Variants in REEP5 observed in about 807,000 individuals in gnomAD.
REEP5 encodes receptor accessory protein 5.
REEP5 carries 24 observed loss-of-function variants against 22.4 expected under a neutral mutation model. That is an observed-to-expected ratio of 1.07 (90% CI 0.78 to 1.51). REEP5 has a LOEUF of 1.51. REEP5 is among the 40% of genes most tolerant of loss of function. The pLI, the probability that REEP5 is intolerant of heterozygous loss-of-function variation, is 0.00. For missense variants in REEP5, 252 were observed against 233.0 expected, an observed-to-expected ratio of 1.08 and a Z score of -0.53; for synonymous variants, 103 against 88.6, an observed-to-expected ratio of 1.16 and a Z score of -0.92.
chr5:112,882,985 A>G (rs967379733), intron 4 of REEP5, among the ~76,000 whole-genome samples: 5 of 152,204 alleles, frequency 3.3e-5, no homozygotes, highest in African/African-American at 7.2e-5. Flanking sequence ...CAGCTCTTCG[A>G]CCAATCCCTC....
intron 2 of REEP5, among the ~76,000 whole-genome samples, chr5:112,916,328 T>C (rs1769232172): frequency 6.6e-6 from 1 of 152,186 alleles, no homozygotes; most frequent in Non-Finnish European, 1.5e-5. Flanking sequence ...CCAAACATCT[T>C]CCCTTGAGAT....
chr5:112,895,753 G>A (rs461866), intron 3 of REEP5: 62,729 of 151,972 alleles, frequency 0.41, 14,191 homozygotes, highest in African/African-American at 0.61. Context: ...TTCTTAATCT[G>A]TGTAACTATT....
intron 4 of REEP5, among the ~76,000 whole-genome samples, chr5:112,881,408 T>C (rs1768071189): frequency 6.6e-6 from 1 of 152,068 alleles, no homozygotes; most frequent in Admixed American, 6.6e-5. Flanking sequence ...CAAAAACCTT[T>C]CTCCAATTTC....
intron 3 of REEP5, chr5:112,895,982 C>T (rs1422597706): frequency 6.6e-6 from 1 of 152,314 alleles, no homozygotes; most frequent in African/African-American, 2.4e-5. Flanking sequence ...TACAACAGGC[C>T]ATTCTATTCC....
intron 1 of REEP5, 147 bp downstream of exon 1, chr5:112,921,926 A>C: frequency 9.8e-7 from 1 of 1,018,392 alleles, no homozygotes; most frequent in Non-Finnish European, 1.3e-6. Context: ...GCTTTCCGGG[A>C]GGCCAGCCTG....
At chr5:112,914,844 C>G (rs747759042) in intron 2 of REEP5, among the ~76,000 whole-genome samples, 1 of 152,142 alleles carries the variant, frequency 6.6e-6, no homozygotes, top group African/African-American at 2.4e-5. Flanking sequence ...AAGCTCCACT[C>G]CCTGGAATCA....
At chr5:112,912,413 G>A (rs893412506) in intron 2 of REEP5, among the ~76,000 whole-genome samples, 1 of 151,284 alleles carries the variant, frequency 6.6e-6, no homozygotes, top group African/African-American at 2.4e-5. Flanking sequence ...TGACAGTGTG[G>A]AAAAAAAAGC....
At chr5:112,906,783 G>A (rs1768964131) in intron 2 of REEP5, among the ~76,000 whole-genome samples, 1 of 152,160 alleles carries the variant, frequency 6.6e-6, no homozygotes, top group African/African-American at 2.4e-5. Flanking sequence ...TGATCATAAT[G>A]CAGAACTGTG....
intron 3 of REEP5, among the ~76,000 whole-genome samples, chr5:112,899,545 A>C (rs1768796336): frequency 6.6e-6 from 1 of 152,224 alleles, no homozygotes; most frequent in African/African-American, 2.4e-5. Context: ...CTATTAATTG[A>C]ATGAACCATT....
rs1360217872 is a variant in REEP5 at position 112,876,669 on chromosome 5, C to T, written c.*2117G>A. The T allele has an allele frequency of 2.0e-5, 3 of 152,142 alleles. No homozygotes were observed. The highest frequency in any genetic ancestry group is 4.4e-5 in the Non-Finnish European group (3 of 68,018). The allele number at this position is 152,142 out of a possible 1,614,324, so 9.4% of individuals were successfully genotyped here. A position where few individuals can be genotyped will look rare whatever the true frequency, so the allele number is the denominator to read the frequency against. On this transcript the variant is annotated 3_prime_UTR_variant, in exon 5 of 5. Coordinates refer to ENST00000379638, the MANE Select transcript of REEP5 (RefSeq NM_005669.5). ...ATTCAAATAAACGCTTGTTTTCTAG[C>T]CAGGCACAGGCTCAATTAGTTTTTC...
intron 2 of REEP5, among the ~76,000 whole-genome samples, chr5:112,916,608 T>C (rs1769238197): frequency 6.6e-6 from 1 of 152,258 alleles, no homozygotes; most frequent in East Asian, 1.9e-4. Context: ...AGGTAATGTA[T>C]TGACAGGGTC....
chr5:112,906,688 C>A (rs1025751510), intron 2 of REEP5, among the ~76,000 whole-genome samples: 11 of 152,186 alleles, frequency 7.2e-5, no homozygotes, highest in African/African-American at 2.4e-4. Flanking sequence ...TCATCCACAT[C>A]CATCTACAGA....
At chr5:112,913,264 G>C (rs1769147186) in intron 2 of REEP5, among the ~76,000 whole-genome samples, 1 of 151,506 alleles carries the variant, frequency 6.6e-6, no homozygotes, top group Non-Finnish European at 1.5e-5. Flanking sequence ...CTGCACTCCA[G>C]CCTGGGCAAC....
intron 4 of REEP5, among the ~76,000 whole-genome samples, chr5:112,880,601 A>T (rs981319375): frequency 1.3e-5 from 2 of 152,244 alleles, no homozygotes; most frequent in African/African-American, 4.8e-5. Context: ...AGTTAATCCA[A>T]AAGCTTTGAG....
At chr5:112,895,423 T>A (rs895588653) in intron 3 of REEP5, 3 of 152,146 alleles carry the variant, frequency 2.0e-5, no homozygotes, top group Non-Finnish European at 2.9e-5. Flanking sequence ...GGAAAATCTC[T>A]GAAATATTAC....
intron 2 of REEP5, among the ~76,000 whole-genome samples, chr5:112,903,860 C>T (rs968947902): frequency 3.3e-5 from 5 of 152,156 alleles, no homozygotes; most frequent in African/African-American, 9.7e-5. Flanking sequence ...TTTTTTGAGA[C>T]AGGGTCTCTG....
intron 3 of REEP5, among the ~76,000 whole-genome samples, chr5:112,899,715 A>T (rs2150043397): frequency 6.6e-6 from 1 of 152,348 alleles, no homozygotes; most frequent in South Asian, 2.1e-4. Context: ...TTTCAATTCA[A>T]CAAGAAATGG....
chr5:112,910,827 C>T (rs1000138368), intron 2 of REEP5, among the ~76,000 whole-genome samples: 1 of 152,216 alleles, frequency 6.6e-6, no homozygotes, highest in Non-Finnish European at 1.5e-5. Context: ...CCTTCCTACT[C>T]ACCCACAGAG....
At chr5:112,912,207 C>CAT (rs1450315210) in intron 2 of REEP5, among the ~76,000 whole-genome samples, 1 of 152,106 alleles carries the variant, frequency 6.6e-6, no homozygotes, top group Non-Finnish European at 1.5e-5. Context: ...TAATCAGCTC[C>CAT]ATATACACAT....
Sources: gnomAD v4.1 joint callset for allele counts (sites outside exome capture counted in the v4.1 genomes callset) on GRCh38, gnomAD v4.1.1 for gene constraint, MANE v1.5 for transcripts, NCBI Gene and HGNC (gene_info 2026-07-23, HGNC 2026-07-21) for gene names.